Variants in SLC35F4 observed in about 807,000 individuals in gnomAD.
SLC35F4 encodes the protein solute carrier family 35 member F4.
A neutral mutation model predicts 44.2 loss-of-function variants in SLC35F4; 24 were observed. The ratio of observed to expected loss-of-function variants is 0.54; its 90% CI spans 0.39 to 0.76. The LOEUF (loss-of-function observed/expected upper bound fraction) is 0.76. Among genes scored for constraint, SLC35F4 ranks in the 30% least tolerant of loss-of-function variants. The pLI is 0.00. For synonymous variants in SLC35F4, 238 were observed against 223.6 expected (o/e 1.06, Z -0.57); for missense variants, 562 against 586.1 (o/e 0.96, Z 0.42).
chr14:57,654,401 G>A (rs114656994), intron 1 of SLC35F4, among the ~76,000 whole-genome samples: 2 of 152,186 alleles, frequency 1.3e-5, no homozygotes, highest in African/African-American at 4.8e-5. Context: ...CTCCATCCAG[G>A]TTGCTGCAAA....
At chr14:57,749,986 T>G (rs1208601390) in intron 1 of SLC35F4, among the ~76,000 whole-genome samples, 1 of 151,532 alleles carries the variant, frequency 6.6e-6, no homozygotes, top group Non-Finnish European at 1.5e-5. Context: ...AGGGTATCTA[T>G]CACCCTAAAT....
chr14:57,919,294 T>C (rs759467727), intron 1 of SLC35F4, among the ~76,000 whole-genome samples: 1 of 152,242 alleles, frequency 6.6e-6, no homozygotes, highest in African/African-American at 2.4e-5. Flanking sequence ...AATACAGGAT[T>C]ACACTCATGG....
chr14:57,639,235 C>T (rs1386255435), intron 1 of SLC35F4, among the ~76,000 whole-genome samples: 1 of 151,934 alleles, frequency 6.6e-6, no homozygotes, highest in East Asian at 1.9e-4. Context: ...GACAGATGAC[C>T]CCAAATTATT....
intron 1 of SLC35F4, among the ~76,000 whole-genome samples, chr14:57,791,254 C>T (rs2077910352): frequency 1.3e-5 from 2 of 152,068 alleles, no homozygotes; most frequent in Admixed American, 1.3e-4. Context: ...GGTCTAATAT[C>T]CACAGTCTAC....
intron 1 of SLC35F4, among the ~76,000 whole-genome samples, chr14:57,636,710 G>T (rs1052290893): frequency 7.2e-5 from 11 of 151,880 alleles, no homozygotes; most frequent in Admixed American, 4.6e-4. Context: ...TATTTTTGGT[G>T]GGTTTACCAG....
intron 1 of SLC35F4, chr14:57,977,100 T>C (rs954236428): frequency 6.6e-6 from 1 of 152,206 alleles, no homozygotes; most frequent in Admixed American, 6.5e-5. Flanking sequence ...ATATGCTGGT[T>C]AAATCCTACC....
chr14:57,770,036 G>T (rs1298346480), intron 1 of SLC35F4, among the ~76,000 whole-genome samples: 2 of 152,120 alleles, frequency 1.3e-5, no homozygotes, highest in Non-Finnish European at 2.9e-5. Flanking sequence ...AAACCCCACA[G>T]AAACAAAATT....
At position 57,960,531 on chromosome 14, in the gene SLC35F4, T is replaced by C. The variant is rs575335295; in HGVS notation, n.282+21382A>G. 5.3e-5 allele frequency among the ~76,000 whole-genome samples: 8 copies of C among 152,348 alleles called. No individual in the cohort carries two copies. The South Asian group carries it at 1.7e-3, about 32-fold the overall frequency. The stretch of plus-strand genomic sequence containing the variant: ...GAGGAAAGGGGTAGGAGAAGGATGA[T>C]ACTTAAGAATGCTCAATTATGAGAA... On this transcript the variant is annotated intron_variant and non_coding_transcript_variant, in intron 1 of 1. Coordinates refer to the SLC35F4 transcript ENST00000556568.
At chr14:57,658,754 C>G (rs1016585069) in intron 1 of SLC35F4, among the ~76,000 whole-genome samples, 1 of 152,090 alleles carries the variant, frequency 6.6e-6, no homozygotes, top group Non-Finnish European at 1.5e-5. Flanking sequence ...ATGGATGTCA[C>G]CTGTCTAAAT....
intron 1 of SLC35F4, among the ~76,000 whole-genome samples, chr14:57,623,868 G>A (rs1040774950): frequency 6.6e-6 from 1 of 152,016 alleles, no homozygotes; most frequent in African/African-American, 2.4e-5. Flanking sequence ...AAATCGGACA[G>A]CCTAACATCA....
At chr14:57,863,095 G>A (rs949367819) in intron 1 of SLC35F4, among the ~76,000 whole-genome samples, 2 of 151,996 alleles carry the variant, frequency 1.3e-5, no homozygotes, top group African/African-American at 2.4e-5. Context: ...TTGAACTCCC[G>A]GCCTCAAGCA....
intron 1 of SLC35F4, among the ~76,000 whole-genome samples, chr14:57,906,784 A>T (rs1889110464): frequency 6.6e-6 from 1 of 152,208 alleles, no homozygotes; most frequent in South Asian, 2.1e-4. Flanking sequence ...TAAAAATTAT[A>T]TGTATTTGGA....
At chr14:57,754,616 G>A (rs1054048791) in intron 1 of SLC35F4, among the ~76,000 whole-genome samples, 41 of 152,266 alleles carry the variant, frequency 2.7e-4, no homozygotes, top group African/African-American at 9.1e-4. Flanking sequence ...GGAGCCTCCC[G>A]AGATTCGTAA....
At chr14:57,824,949 A>G (rs528773138) in intron 1 of SLC35F4, among the ~76,000 whole-genome samples, 1 of 152,200 alleles carries the variant, frequency 6.6e-6, no homozygotes, top group South Asian at 2.1e-4. Context: ...CCGTGTGAAG[A>G]ACAGACTGAG....
At chr14:57,677,534 C>T (rs546956939) in intron 1 of SLC35F4, among the ~76,000 whole-genome samples, 4 of 152,104 alleles carry the variant, frequency 2.6e-5, no homozygotes, top group East Asian at 1.9e-4. Context: ...AGTTAACTTG[C>T]TGTTTGAGTG....
intron 1 of SLC35F4, among the ~76,000 whole-genome samples, chr14:57,736,366 C>T (rs919110672): frequency 6.6e-6 from 1 of 152,058 alleles, no homozygotes; most frequent in African/African-American, 2.4e-5. Context: ...AAGAATAATC[C>T]AAAAAACAAT....
chr14:57,746,436 A>G (rs1237668110), intron 1 of SLC35F4, among the ~76,000 whole-genome samples: 1 of 152,098 alleles, frequency 6.6e-6, no homozygotes, highest in East Asian at 1.9e-4. Context: ...CTCTTTGCTA[A>G]CAATGTGGGT....
At chr14:57,608,806 G>A (rs1354864229) in intron 1 of SLC35F4, among the ~76,000 whole-genome samples, 14 of 125,750 alleles carry the variant, frequency 1.1e-4, no homozygotes, top group African/African-American at 4.5e-4. Flanking sequence ...GCGGCGGGGG[G>A]AGAGAAACAG....
intron 3 of SLC35F4, among the ~76,000 whole-genome samples, chr14:57,584,637 G>T (rs906668957): frequency 2.7e-4 from 41 of 152,124 alleles, no homozygotes; most frequent in Admixed American, 8.5e-4. Flanking sequence ...CACTCTACAT[G>T]CACTATAGGT....
Sources: gnomAD v4.1 joint callset for allele counts (sites outside exome capture counted in the v4.1 genomes callset) on GRCh38, gnomAD v4.1.1 for gene constraint, MANE v1.5 for transcripts, NCBI Gene and HGNC (gene_info 2026-07-23, HGNC 2026-07-21) for gene names.